PCDHGA3: variants seen among roughly 807,000 people sequenced by gnomAD.
The protein encoded by PCDHGA3 is protocadherin gamma subfamily A, 3.
A neutral mutation model predicts 58.5 loss-of-function variants in PCDHGA3; 40 were observed. The ratio of observed to expected loss-of-function variants is 0.68; its 90% CI spans 0.53 to 0.89. The LOEUF (loss-of-function observed/expected upper bound fraction) is 0.89. Among genes scored for constraint, PCDHGA3 ranks in the 40% least tolerant of loss-of-function variants. The probability of loss-of-function intolerance (pLI) is 0.00; values close to 1 mark genes in which losing one functional copy is unlikely to be tolerated. For synonymous variants in PCDHGA3, 530 were observed against 525.7 expected, an observed-to-expected ratio of 1.01 and a Z score of -0.11; for missense variants, 1,223 against 1,195.9, an observed-to-expected ratio of 1.02 and a Z score of -0.33.
rs2099692814 is a variant in PCDHGA3 at position 141,489,840 on chromosome 5, G to A, written c.2425-4967G>A. 6.2e-7 allele frequency: 1 copy of A among 1,614,190 alleles called. No individual in the cohort carries two copies. The highest frequency in any genetic ancestry group is 8.5e-7 in the Non-Finnish European group (1 of 1,179,990). On this transcript the variant is annotated intron_variant, in intron 1 of 3. Coordinates refer to ENST00000253812, the MANE Select transcript of PCDHGA3 (RefSeq NM_018916.4). The surrounding 1 kb of genome is among the most constrained non-coding windows in gnomAD (Gnocchi z 4.5). ...CAGAGCTGGTGCTAGAGCAGCAGCT[G>A]GATCGTGAAGCCCAGGCAAGACATC... is the stretch of plus-strand genomic sequence containing the variant.
At chr5:141,398,506 A>G (rs2093664607) in intron 1 of PCDHGA3, 1 of 1,601,998 alleles carries the variant, frequency 6.2e-7, no homozygotes, top group South Asian at 1.1e-5. Context: ...CGAGGACATT[A>G]ATGACCACAC....
chr5:141,387,653 A>C (rs981670504), intron 1 of PCDHGA3: 11 of 639,608 alleles, frequency 1.7e-5, no homozygotes, highest in Non-Finnish European at 2.9e-5. Context: ...CAAAGTGGAG[A>C]GCTTGGCGCT....
At position 141,424,020 on chromosome 5, in the gene PCDHGA3, C is replaced by A. The variant is rs1326303938; in HGVS notation, c.2425-70787C>A. ...TATATAGATACAAATTAATGATTCA[C>A]AAACACTTTTTATTTCCATTTCAAT... On this transcript the variant is annotated intron_variant, in intron 1 of 3. Coordinates refer to ENST00000253812, the MANE Select transcript of PCDHGA3 (RefSeq NM_018916.4). 3 of 1,050,122 alleles carry A rather than the reference C, an allele frequency of 2.9e-6. No individual in the cohort carries two copies. In the East Asian group the frequency reaches 2.2e-4, roughly 77 times the overall value. The allele number at this position is 1,050,122 out of a possible 1,614,324, so 65.1% of individuals were successfully genotyped here. A position where few individuals can be genotyped will look rare whatever the true frequency, so the allele number is the denominator to read the frequency against.
chr5:141,418,969 A>C, intron 1 of PCDHGA3: 1 of 1,614,028 alleles, frequency 6.2e-7, no homozygotes, highest in Non-Finnish European at 8.5e-7. Flanking sequence ...CCCTCTTCAA[A>C]ACACGGGACC....
Position 141,485,739 on chromosome 5 carries a change from G to A in PCDHGA3, c.2425-9068G>A. 6.2e-7 allele frequency: 1 copy of A among 1,614,234 alleles called. No individual in the cohort carries two copies. Among genetic ancestry groups the A allele is most frequent in the Non-Finnish European group, 8.5e-7 (1 of 1,180,042 alleles). ...GATGTGAAGAAGCGCAGCGACGGCA[G>A]CCTGGTCCCAGAGCTGCTCCTGGAG... On this transcript the variant is annotated intron_variant, in intron 1 of 3. Transcript: ENST00000253812. The surrounding 1 kb of genome is among the most constrained non-coding windows in gnomAD (Gnocchi z 5.7).
chr5:141,443,308 C>T (rs1484035480), intron 1 of PCDHGA3, among the ~76,000 whole-genome samples: 7 of 136,252 alleles, frequency 5.1e-5, no homozygotes, highest in African/African-American at 2.2e-4. Context: ...TGGCAAAAAC[C>T]CATCTCTACA....
At chr5:141,484,155 T>G (rs2099592564) in intron 1 of PCDHGA3, among the ~76,000 whole-genome samples, 1 of 152,224 alleles carries the variant, frequency 6.6e-6, no homozygotes, top group Non-Finnish European at 1.5e-5. Context: ...GTAGGCACAA[T>G]GCTGTTGGTA....
chr5:141,351,814 C>A, intron 1 of PCDHGA3: 1 of 1,613,246 alleles, frequency 6.2e-7, no homozygotes, highest in South Asian at 1.1e-5. Context: ...CCTTCGACCA[C>A]GAGCAGCTGC....
At chr5:141,478,487 A>G (rs1593917832) in intron 1 of PCDHGA3, 1 of 1,613,454 alleles carries the variant, frequency 6.2e-7, no homozygotes, top group South Asian at 1.1e-5. Flanking sequence ...CACGCTGCGG[A>G]GCTGTGATCC....
intron 1 of PCDHGA3, chr5:141,388,273 C>G: frequency 6.3e-7 from 1 of 1,597,470 alleles, no homozygotes; most frequent in East Asian, 2.3e-5. Context: ...AATGACCACA[C>G]GCCAAAATTC....
intron 1 of PCDHGA3, chr5:141,379,021 G>A (rs1199097625): frequency 6.6e-6 from 1 of 152,192 alleles, no homozygotes; most frequent in Admixed American, 6.5e-5. Context: ...TCATGAGTTG[G>A]AAGATTCTAC....
chr5:141,478,499 G>A (rs77463374), intron 1 of PCDHGA3: 18 of 1,612,728 alleles, frequency 1.1e-5, no homozygotes, highest in African/African-American at 2.7e-5. Context: ...CTGTGATCCG[G>A]TGTTCTATAG....
intron 1 of PCDHGA3, chr5:141,387,746 C>T (rs1051013306): frequency 1.5e-6 from 2 of 1,365,936 alleles, no homozygotes; most frequent in Non-Finnish European, 9.8e-7. Flanking sequence ...ACACCGCTTC[C>T]TCCTCGGAAA....
Position 141,389,013 on chromosome 5 carries a change from A to G in PCDHGA3, c.2424+42556A>G, listed in dbSNP as rs187666474. 2.5e-6 allele frequency: 4 copies of G among 1,614,010 alleles called. No homozygotes were observed. The African/African-American group carries it at 4.0e-5, about 16-fold the overall frequency. On this transcript the variant is annotated intron_variant, in intron 1 of 3. Coordinates refer to ENST00000253812, the MANE Select transcript of PCDHGA3 (RefSeq NM_018916.4). ...AGTCCGTGACAAGGATTCCAGACAC[A>G]ATGGAGAAGTGACTTGTAAATTGGA...
At chr5:141,420,391 G>C in intron 1 of PCDHGA3, 1 of 1,270,636 alleles carries the variant, frequency 7.9e-7, no homozygotes, top group Non-Finnish European at 1.0e-6. Flanking sequence ...GCAAAATATA[G>C]GTCAAATTTA....
At chr5:141,408,590 G>A (rs776799830) in intron 1 of PCDHGA3, 4 of 1,613,956 alleles carry the variant, frequency 2.5e-6, no homozygotes, top group East Asian at 2.2e-5. Context: ...TAATGACCAC[G>A]CCCCTCAATT....
At chr5:141,425,805 C>T (rs1419480761) in intron 1 of PCDHGA3, among the ~76,000 whole-genome samples, 1 of 152,158 alleles carries the variant, frequency 6.6e-6, no homozygotes, top group African/African-American at 2.4e-5. Context: ...TGCATTGCTT[C>T]TGCTTAGAAA....
intron 1 of PCDHGA3, among the ~76,000 whole-genome samples, chr5:141,397,514 A>G (rs537343615): frequency 1.3e-5 from 2 of 152,324 alleles, no homozygotes; most frequent in Non-Finnish European, 2.9e-5. Context: ...TTGTTTCCAT[A>G]GCTAATAAAA....
intron 1 of PCDHGA3, chr5:141,399,616 C>G (rs777443975): frequency 6.2e-7 from 1 of 1,613,962 alleles, no homozygotes. Flanking sequence ...GCCTCTGGCA[C>G]TGGCCTCTTA....
Sources: allele counts gnomAD v4.1 joint callset (sites outside exome capture counted in the v4.1 genomes callset), GRCh38; gene constraint gnomAD v4.1.1; non-coding constraint Gnocchi (gnomAD v3.1); transcripts MANE v1.5; gene names NCBI Gene and HGNC (gene_info 2026-07-23, HGNC 2026-07-21).